The following RHBDD1 variants were observed in gnomAD, a reference collection of about 807,000 sequenced individuals.
RHBDD1 encodes rhomboid-related protein 4.
A neutral mutation model predicts 36.3 loss-of-function variants in RHBDD1; 38 were observed. That is an observed-to-expected ratio of 1.05 (90% CI 0.81 to 1.37). The LOEUF is 1.37. Among genes scored for constraint, RHBDD1 ranks in the 40% most tolerant of loss-of-function variants. The pLI is 0.00. For missense variants in RHBDD1, 393 were observed against 377.6 expected (o/e 1.04, Z -0.34); for synonymous variants, 151 against 136.5 (o/e 1.11, Z -0.74).
chr2:226,817,045 T>C, the RHBDD1 span, among the ~76,000 whole-genome samples: 2 of 152,246 alleles, frequency 1.3e-5, no homozygotes, highest in African/African-American at 4.8e-5. Context: ...CACCAGTCTA[T>C]TGGCATTTTC....
intron 5 of RHBDD1, among the ~76,000 whole-genome samples, chr2:226,878,882 G>A (rs972491235): frequency 3.9e-5 from 6 of 152,086 alleles, no homozygotes; most frequent in East Asian, 1.9e-4. Context: ...GTGTTGAGTC[G>A]GGGAGAGTAG....
chr2:226,915,407 G>A (rs562415587), intron 8 of RHBDD1, among the ~76,000 whole-genome samples: 138 of 152,202 alleles, frequency 9.1e-4, no homozygotes, highest in Middle Eastern at 3.4e-3. Flanking sequence ...GGCTGGGTCC[G>A]GATCGCAGGG....
At chr2:226,831,970 T>C (rs1192279120), upstream of RHBDD1, among the ~76,000 whole-genome samples, 9 of 146,888 alleles carry the variant, frequency 6.1e-5, no homozygotes, top group East Asian at 2.0e-4. Context: ...TTTTTTTTTT[T>C]CTAAAAAACA....
intron 4 of RHBDD1, among the ~76,000 whole-genome samples, chr2:226,865,870 G>C (rs1313723133): frequency 6.6e-6 from 1 of 152,142 alleles, no homozygotes; most frequent in Non-Finnish European, 1.5e-5. Flanking sequence ...GAGAAAGGAG[G>C]GGGAGAACTA....
At chr2:226,807,083 T>C in the RHBDD1 span, among the ~76,000 whole-genome samples, 1 of 152,208 alleles carries the variant, frequency 6.6e-6, no homozygotes, top group African/African-American at 2.4e-5. Flanking sequence ...TTTCATACAG[T>C]GGAAATCTGA....
intron 7 of RHBDD1, among the ~76,000 whole-genome samples, chr2:226,910,339 T>C (rs1020991483): frequency 2.0e-5 from 3 of 152,220 alleles, no homozygotes; most frequent in Admixed American, 1.3e-4. Flanking sequence ...TATATGCCTT[T>C]CTCTGAAGTG....
chr2:226,957,513 A>G (rs550811627), intron 8 of RHBDD1, among the ~76,000 whole-genome samples: 72 of 152,150 alleles, frequency 4.7e-4, no homozygotes, highest in African/African-American at 1.6e-3. Flanking sequence ...GCTTGAGGCC[A>G]GAAGTTCAAG....
chr2:226,964,504 A>G (rs1418224669), intron 8 of RHBDD1, among the ~76,000 whole-genome samples: 2 of 152,068 alleles, frequency 1.3e-5, no homozygotes, highest in Non-Finnish European at 2.9e-5. Context: ...AGCCTTCCTA[A>G]TGACTTAATT....
the RHBDD1 span, among the ~76,000 whole-genome samples, chr2:226,808,059 T>G: frequency 6.6e-6 from 1 of 151,230 alleles, no homozygotes; most frequent in Non-Finnish European, 1.5e-5. Flanking sequence ...GAATAGACTG[T>G]TGGGGGGAGG....
chr2:226,876,625 C>T (rs1266046908), intron 5 of RHBDD1, among the ~76,000 whole-genome samples: 2 of 152,076 alleles, frequency 1.3e-5, no homozygotes, highest in Non-Finnish European at 2.9e-5. Context: ...TGCAATCAGG[C>T]CCCTAAATTC....
chr2:226,888,060 G>A (rs1418514180), intron 5 of RHBDD1, among the ~76,000 whole-genome samples: 32 of 152,170 alleles, frequency 2.1e-4, no homozygotes, highest in Admixed American at 2.1e-3. Context: ...CCTACTATGA[G>A]CTGCTGAATC....
the RHBDD1 span, among the ~76,000 whole-genome samples, chr2:226,818,650 C>T: frequency 1.3e-5 from 2 of 151,450 alleles, no homozygotes; most frequent in Non-Finnish European, 2.9e-5. Context: ...ACCAGCCTGG[C>T]CAACATGGTG....
chr2:226,947,420 C>T (rs1012202499), intron 8 of RHBDD1, among the ~76,000 whole-genome samples: 35 of 151,904 alleles, frequency 2.3e-4, no homozygotes, highest in Admixed American at 4.6e-4. Flanking sequence ...TGTAGATATG[C>T]GGCGTTATTT....
chr2:226,947,524 A>G (rs1488207557), intron 8 of RHBDD1, among the ~76,000 whole-genome samples: 1 of 152,048 alleles, frequency 6.6e-6, no homozygotes, highest in Admixed American at 6.5e-5. Context: ...TATAGTTTGA[A>G]GTCAGGTAGT....
intron 8 of RHBDD1, among the ~76,000 whole-genome samples, chr2:226,960,594 A>C (rs1456024804): frequency 6.6e-6 from 1 of 152,232 alleles, no homozygotes; most frequent in Non-Finnish European, 1.5e-5. Flanking sequence ...ATTGATTTTT[A>C]AGGTGTGGCC....
intron 3 of RHBDD1, among the ~76,000 whole-genome samples, chr2:226,860,583 C>T (rs753478512): frequency 2.6e-5 from 4 of 152,144 alleles, no homozygotes; most frequent in Non-Finnish European, 5.9e-5. Context: ...TTACATGGAT[C>T]AGTTGGATTT....
intron 8 of RHBDD1, among the ~76,000 whole-genome samples, chr2:226,970,708 CT>C (rs1953304687): frequency 6.6e-6 from 1 of 152,180 alleles, no homozygotes; most frequent in Non-Finnish European, 1.5e-5. Flanking sequence ...TTCCAATGTA[CT>C]TTTTTTATTT....
At chr2:226,844,382 C>G (rs1280329384) in intron 3 of RHBDD1, among the ~76,000 whole-genome samples, 2 of 152,044 alleles carry the variant, frequency 1.3e-5, no homozygotes, top group Admixed American at 6.5e-5. Flanking sequence ...GCAAAAAGCC[C>G]TAAGCTGTTC....
the RHBDD1 span, chr2:226,800,164 C>G: frequency 1.4e-5 from 2 of 140,710 alleles, no homozygotes; most frequent in Admixed American, 6.9e-5. Context: ...TACAGAGCCC[C>G]GAGTGGGAGG....
Sources: allele counts gnomAD v4.1 joint callset (sites outside exome capture counted in the v4.1 genomes callset), GRCh38; gene constraint gnomAD v4.1.1; transcripts MANE v1.5; gene names NCBI Gene and HGNC (gene_info 2026-07-23, HGNC 2026-07-21).